CCDC190: variants seen among roughly 807,000 people sequenced by gnomAD.
The protein encoded by CCDC190 is coiled-coil domain containing 190.
Under a neutral mutation model 13.1 loss-of-function variants are expected in CCDC190, and 10 were observed. The observed-to-expected ratio is 0.77, with a 90% confidence interval of 0.47 to 1.30. The LOEUF (loss-of-function observed/expected upper bound fraction) is 1.30, where lower values mean the gene tolerates loss of function less well. Among genes scored for constraint, CCDC190 ranks in the 50% most tolerant of loss-of-function variants. The pLI is 0.00. For missense variants in CCDC190, 375 were observed against 354.3 expected (o/e 1.06, Z -0.47); for synonymous variants, 136 against 127.2 (o/e 1.07, Z -0.47).
chr1:162,863,833 A>T (rs145520840), upstream of CCDC190, among the ~76,000 whole-genome samples: 2,275 of 152,214 alleles, frequency 0.015, 52 homozygotes, highest in African/African-American at 0.052. Context: ...AGCCTGGCCA[A>T]CATGGTGAAA....
chr1:162,864,494 T>A (rs1650632079), upstream of CCDC190, among the ~76,000 whole-genome samples: 1 of 152,174 alleles, frequency 6.6e-6, no homozygotes, highest in Non-Finnish European at 1.5e-5. Context: ...TTTCTTGTTA[T>A]ATAAATCTCT....
Position 162,855,050 on chromosome 1 carries a change from C to A in CCDC190, c.621G>T (p.Glu207Asp). The A allele has an allele frequency of 6.2e-7, 1 of 1,614,044 alleles. No individual in the cohort carries two copies. The highest frequency in any genetic ancestry group is 8.5e-7 in the Non-Finnish European group (1 of 1,179,896). ...TTAGAGCAACATCTTTTGATCTGGT[C>A]TCATCAGCACATGCCATTCCACTAT... ...ASDSGMACAD[E>D]TRSKDVALKP... The change falls in exon 4 of 4, where the codon GAG becomes GAT. Residue 207 changes from glutamate (E) to aspartate (D), a missense_variant. Transcript: ENST00000367912.
At chr1:162,862,596 C>T (rs1650558889), upstream of CCDC190, among the ~76,000 whole-genome samples, 1 of 152,186 alleles carries the variant, frequency 6.6e-6, no homozygotes, top group African/African-American at 2.4e-5. Flanking sequence ...TAAAACCACA[C>T]ATCTCGAAAG....
chr1:162,857,485 C>T (rs1650344078), intron 2 of CCDC190, among the ~76,000 whole-genome samples: 1 of 152,184 alleles, frequency 6.6e-6, no homozygotes, highest in East Asian at 1.9e-4. Flanking sequence ...TACACCTCCT[C>T]TTCCCCACTT....
chr1:162,857,675 T>G (rs373922428), intron 2 of CCDC190, among the ~76,000 whole-genome samples: 101 of 152,332 alleles, frequency 6.6e-4, no homozygotes, highest in African/African-American at 2.4e-3. Flanking sequence ...CTGTGTCTTT[T>G]GGGAAATCTT....
At position 162,855,200 on chromosome 1, in the gene CCDC190, T is replaced by C; in HGVS notation, c.471A>G (p.Gln157=). ...TAGATGGATTCACAGAATCTTTCTCTTGGGCTTGTGGTTGCTCTTTTATGA... is the reference window on the plus strand; with the variant it reads ...TAGATGGATTCACAGAATCTTTCTCCTGGGCTTGTGGTTGCTCTTTTATGA... The part of the protein sequence containing the change: ...ACFIKEQPQA[Q]EKDSVNPSKD... Residue 157 remains glutamine (Q), a synonymous_variant, in exon 4 of 4, where the codon CAA becomes CAG. Transcript: ENST00000367912. 6.2e-7 allele frequency: 1 copy of C among 1,614,008 alleles called. No individual in the cohort carries two copies. Among genetic ancestry groups the C allele is most frequent in the Non-Finnish European group, 8.5e-7 (1 of 1,179,884 alleles).
Position 162,853,033 on chromosome 1 carries a change from C to T in CCDC190, c.*1732G>A. The T allele has an allele frequency of 8.0e-7, 1 of 1,250,694 alleles. No individual in the cohort carries two copies. Among genetic ancestry groups the T allele is most frequent in the Non-Finnish European group, 1.1e-6 (1 of 876,076 alleles). The allele number at this position is 1,250,694 out of a possible 1,614,324, so 77.5% of individuals were successfully genotyped here. A position where few individuals can be genotyped will look rare whatever the true frequency, so the allele number is the denominator to read the frequency against. ...ATAAATTAAGTTTTTGTGAATCAAT[C>T]AGTTCTGTCACTTATGGCCTGCCTT... On this transcript the variant is annotated 3_prime_UTR_variant, in exon 4 of 4. Transcript: ENST00000367912.
chr1:162,867,051 T>C (rs934766949), intron 1 of CCDC190, among the ~76,000 whole-genome samples: 6 of 152,050 alleles, frequency 3.9e-5, no homozygotes, highest in South Asian at 2.1e-4. Context: ...AGATTTCTTA[T>C]ATAGCAGAAA....
At position 162,855,621 on chromosome 1, in the gene CCDC190, C is replaced by CT; in HGVS notation, c.311+10_311+11insA. 1 of 1,612,796 alleles carries CT rather than the reference C, an allele frequency of 6.2e-7. No homozygotes were observed. Among genetic ancestry groups the CT allele is most frequent in the Non-Finnish European group, 8.5e-7 (1 of 1,179,486 alleles). ...ATGTCATACCCATGGGTTTAGTAAT[C>CT]CATTTCTTACCTCATTTTCTTAGCC... On this transcript the variant is annotated intron_variant, in intron 3 of 3. Coordinates refer to ENST00000367912, the MANE Select transcript of CCDC190 (RefSeq NM_001394065.1).
intron 2 of CCDC190, among the ~76,000 whole-genome samples, chr1:162,857,767 A>G (rs60452984): frequency 6.6e-6 from 1 of 152,174 alleles, no homozygotes; most frequent in Admixed American, 6.6e-5. Flanking sequence ...AGTTTTGATC[A>G]TCATTTTTTA....
At chr1:162,857,876 G>T (rs1304838896) in intron 2 of CCDC190, among the ~76,000 whole-genome samples, 4 of 152,118 alleles carry the variant, frequency 2.6e-5, no homozygotes, top group African/African-American at 4.8e-5. Context: ...TAGCTGTTTT[G>T]CAAAGTCTGG....
At chr1:162,856,833 T>A (rs752362974) in intron 2 of CCDC190, among the ~76,000 whole-genome samples, 1 of 152,172 alleles carries the variant, frequency 6.6e-6, no homozygotes, top group Non-Finnish European at 1.5e-5. Flanking sequence ...TTTCTTCCTT[T>A]GTTGTCTCCT....
intron 2 of CCDC190, among the ~76,000 whole-genome samples, chr1:162,856,251 G>T (rs1040288443): frequency 2.6e-5 from 4 of 152,162 alleles, no homozygotes; most frequent in Non-Finnish European, 2.9e-5. Flanking sequence ...ATAAACCTTG[G>T]TGTATATTAC....
chr1:162,854,667 GT>G lies in CCDC190; in HGVS notation c.*97del. ...TAAAATAAAATTGTAATTCAATTATGTTTGTTTGTTTTTCTCTGTATTGCTT... is the reference window on the plus strand; with the variant it reads ...TAAAATAAAATTGTAATTCAATTATGTTGTTTGTTTTTCTCTGTATTGCTT... On this transcript the variant is annotated 3_prime_UTR_variant, in exon 4 of 4. Transcript: ENST00000367912. 2 of 1,456,790 alleles carry G rather than the reference GT, an allele frequency of 1.4e-6. No individual in the cohort carries two copies. The highest frequency in any genetic ancestry group is 1.8e-6 in the Non-Finnish European group (2 of 1,105,992). 90.2% of individuals were successfully genotyped at this position (1,456,790 alleles called of 1,614,324 possible). A position where few individuals can be genotyped will look rare whatever the true frequency, so the allele number is the denominator to read the frequency against.
At chr1:162,863,212 C>G (rs1266055929), upstream of CCDC190, among the ~76,000 whole-genome samples, 2 of 152,134 alleles carry the variant, frequency 1.3e-5, no homozygotes, top group Non-Finnish European at 2.9e-5. Flanking sequence ...CTCTGTTTTA[C>G]ATGGAGTCAC....
In CCDC190 at chr1:162,854,021, C is replaced by A. The variant is rs1280696276; in HGVS notation, c.*744G>T. On this transcript the variant is annotated 3_prime_UTR_variant, in exon 4 of 4. Transcript: ENST00000367912. ...CCAAGACATAGAGGCCTACTTGAAA[C>A]AATAGCTTGTTAACAATGTTAGTAC... Among the ~76,000 whole-genome samples, 3 of 152,144 alleles carry A rather than the reference C, an allele frequency of 2.0e-5. No homozygotes were observed. Among genetic ancestry groups the A allele is most frequent in the Non-Finnish European group, 2.9e-5 (2 of 68,008 alleles).
chr1:162,866,157 G>C (rs1486691307), upstream of CCDC190, among the ~76,000 whole-genome samples: 2 of 152,000 alleles, frequency 1.3e-5, no homozygotes, highest in African/African-American at 4.8e-5. Flanking sequence ...GTTTTATAGG[G>C]AGATTAAAGA....
chr1:162,865,341 A>C (rs996623089), upstream of CCDC190, among the ~76,000 whole-genome samples: 9 of 152,148 alleles, frequency 5.9e-5, no homozygotes, highest in Non-Finnish European at 1.0e-4. Context: ...AAGTGTAGAG[A>C]AAATTAGTAA....
chr1:162,863,526 A>T (rs954087151), upstream of CCDC190, among the ~76,000 whole-genome samples: 1 of 152,202 alleles, frequency 6.6e-6, no homozygotes, highest in African/African-American at 2.4e-5. Context: ...GACATCAGTC[A>T]GATAGGATGG....
Sources: allele counts gnomAD v4.1 joint callset (sites outside exome capture counted in the v4.1 genomes callset), GRCh38; gene constraint gnomAD v4.1.1; transcripts MANE v1.5; gene names NCBI Gene and HGNC (gene_info 2026-07-23, HGNC 2026-07-21).